GLI3: variants seen among roughly 807,000 people sequenced by gnomAD.
GLI3 encodes GLI family zinc finger 3.
GLI3 carries 20 observed loss-of-function variants against 100.8 expected under a neutral mutation model. That is an observed-to-expected ratio of 0.20 (90% CI 0.14 to 0.29). The LOEUF is 0.29. Among genes scored for constraint, GLI3 ranks in the 10% least tolerant of loss-of-function variants. The pLI is 1.00. For synonymous variants in GLI3, 938 were observed against 860.5 expected (o/e 1.09, Z -1.58); for missense variants, 2,040 against 2,128.5 (o/e 0.96, Z 0.82).
intron 2 of GLI3, among the ~76,000 whole-genome samples, chr7:42,158,050 C>T (rs1339770500): frequency 6.6e-6 from 1 of 152,204 alleles, no homozygotes; most frequent in Non-Finnish European, 1.5e-5. Flanking sequence ...ATCTCCTATG[C>T]ATATGCAAAC....
upstream of GLI3, chr7:42,237,905 T>G (rs1583670055): frequency 6.9e-6 from 1 of 145,794 alleles, no homozygotes; most frequent in Non-Finnish European, 1.5e-5. Flanking sequence ...AGGCGGCGCG[T>G]CGCGGGCCGG....
Position 41,965,069 on chromosome 7 carries a change from G to A in GLI3, c.4004C>T (p.Pro1335Leu), listed in dbSNP as rs201047754. The A allele has an allele frequency of 1.9e-6, 3 of 1,613,830 alleles. No individual in the cohort carries two copies. The highest frequency in any genetic ancestry group is 2.5e-6 in the Non-Finnish European group (3 of 1,180,020). ...HQLLGDSMQH[P>L]GAGRPGQQML... is the part of the protein sequence containing the mutation. ...CTGCTGACCGGGGCGGCCTGCCCCC[G>A]GGTGCTGCATGCTGTCGCCGAGGAG... Residue 1335 changes from proline (P) to leucine (L), a missense_variant, in exon 15 of 15, where the codon CCG becomes CTG. Pro to Leu is a moderately conservative substitution (Grantham distance 98). Coordinates refer to ENST00000395925, the MANE Select transcript of GLI3 (RefSeq NM_000168.6).
At chr7:42,191,550 G>A (rs759900523) in intron 2 of GLI3, among the ~76,000 whole-genome samples, 2 of 151,988 alleles carry the variant, frequency 1.3e-5, no homozygotes, top group Admixed American at 6.5e-5. Flanking sequence ...TACTCGGGAC[G>A]CTGAGGCAGG....
At chr7:42,241,821 T>C (rs1443084862), upstream of GLI3, among the ~76,000 whole-genome samples, 1 of 152,184 alleles carries the variant, frequency 6.6e-6, no homozygotes, top group Non-Finnish European at 1.5e-5. Context: ...GGATGCTGTG[T>C]GACATTGACC....
At position 42,181,303 on chromosome 7, in the gene GLI3, C is replaced by A. The variant is rs530533222; in HGVS notation, c.125-32835G>T. Among the ~76,000 whole-genome samples the A allele has an allele frequency of 2.6e-5, 4 of 152,258 alleles. No individual in the cohort carries two copies. In the East Asian group the frequency reaches 5.8e-4, roughly 22 times the overall value. ...TGGGTAACATGACTTAAATTTCAGC[C>A]TATGCAGAATTTCCAGGCTAGGCGC... On this transcript the variant is annotated intron_variant, in intron 2 of 14. Transcript: ENST00000395925.
At chr7:42,156,742 G>A (rs1787013202) in intron 2 of GLI3, among the ~76,000 whole-genome samples, 1 of 152,176 alleles carries the variant, frequency 6.6e-6, no homozygotes, top group African/African-American at 2.4e-5. Context: ...TCCTTTAAAG[G>A]CACGAAGGAA....
chr7:42,234,640 G>C (rs962107126), intron 1 of GLI3, among the ~76,000 whole-genome samples: 1 of 152,272 alleles, frequency 6.6e-6, no homozygotes, highest in East Asian at 1.9e-4. Context: ...GAATTGGTAG[G>C]CATCTGAGTT....
At chr7:42,132,322 G>C (rs747139274) in intron 3 of GLI3, among the ~76,000 whole-genome samples, 3 of 151,850 alleles carry the variant, frequency 2.0e-5, no homozygotes, top group South Asian at 2.1e-4. Context: ...GGATGGTCTC[G>C]ATCTCCTGAC....
chr7:42,068,511 G>A (rs1002601065), intron 4 of GLI3, among the ~76,000 whole-genome samples: 1 of 152,154 alleles, frequency 6.6e-6, no homozygotes, highest in African/African-American at 2.4e-5. Flanking sequence ...TTGGGTCACT[G>A]AAGATCCAAA....
At chr7:42,187,751 T>TC (rs1787746329) in intron 2 of GLI3, among the ~76,000 whole-genome samples, 1 of 151,916 alleles carries the variant, frequency 6.6e-6, no homozygotes, top group African/African-American at 2.4e-5. Flanking sequence ...ACACCTGTAA[T>TC]CCCAGCACTT....
intron 3 of GLI3, among the ~76,000 whole-genome samples, chr7:42,106,677 C>T (rs1785581396): frequency 6.6e-6 from 1 of 152,232 alleles, no homozygotes. Flanking sequence ...ATGTTTCACA[C>T]AGCTAAAGTT....
At position 41,972,648 on chromosome 7, in the gene GLI3, G is replaced by A. The variant is rs753993244; in HGVS notation, c.1813-21C>T. On this transcript the variant is annotated intron_variant, in intron 12 of 14. Transcript: ENST00000395925. The surrounding 1 kb of genome is among the most constrained non-coding windows in gnomAD (Gnocchi z 4.4). ...GGTTTCTGCCAAATCCCACAAGAAC[G>A]AGGTAAGAGATTGTTATGAAAGAGA... 4.9e-5 allele frequency: 78 copies of A among 1,596,146 alleles called. No homozygotes were observed. Among genetic ancestry groups the A allele is most frequent in the Admixed American group, 2.0e-4 (12 of 59,930 alleles).
intron 7 of GLI3, among the ~76,000 whole-genome samples, chr7:42,037,194 G>A (rs545564911): frequency 7.9e-5 from 12 of 152,280 alleles, no homozygotes; most frequent in Admixed American, 6.5e-4. Context: ...TAGCTGTGAC[G>A]TGAGAACGGT....
At chr7:42,223,676 G>A (rs1788533397) in intron 1 of GLI3, among the ~76,000 whole-genome samples, 1 of 152,174 alleles carries the variant, frequency 6.6e-6, no homozygotes, top group East Asian at 1.9e-4. Flanking sequence ...TTTACAGGAA[G>A]GGGCATTTGA....
chr7:41,990,427 G>A (rs1013807712), intron 10 of GLI3, among the ~76,000 whole-genome samples: 13 of 152,078 alleles, frequency 8.5e-5, no homozygotes, highest in Non-Finnish European at 1.6e-4. Flanking sequence ...AATGAAAAAC[G>A]AGATCCAATT....
intron 6 of GLI3, 71 bp downstream of exon 6, chr7:42,045,313 A>G: frequency 7.2e-7 from 1 of 1,381,120 alleles, no homozygotes; most frequent in Non-Finnish European, 1.0e-6. Context: ...TAATCTTTGT[A>G]TCTTCTTCTC....
chr7:42,253,033 A>C lies in GLI3; in HGVS notation c.-43+10961T>G, dbSNP rs748334193. ...ACGAGAAAGGATTTCCAAAGCAATC[A>C]TAGTCTTAAATAATTTCAAGATAAT... On this transcript the variant is annotated intron_variant, in intron 1 of 2. Coordinates refer to the GLI3 transcript ENST00000678978. Among the ~76,000 whole-genome samples, 84 of 44,034 alleles carry C rather than the reference A, an allele frequency of 1.9e-3. 1 individual carries two copies. Among genetic ancestry groups the C allele is most frequent in the Non-Finnish European group, 1.4e-3 (27 of 18,968 alleles). The allele number at this position is 44,034 out of a possible 152,430, so 28.9% of individuals were successfully genotyped here. A position where few individuals can be genotyped will look rare whatever the true frequency, so the allele number is the denominator to read the frequency against.
intron 2 of GLI3, among the ~76,000 whole-genome samples, chr7:42,155,824 AT>A (rs913843469): frequency 2.0e-5 from 3 of 151,984 alleles, no homozygotes; most frequent in South Asian, 2.1e-4. Context: ...TGCCTCCTGT[AT>A]TTTTTTTTTA....
chr7:41,995,280 C>T (rs568436342), intron 10 of GLI3, among the ~76,000 whole-genome samples: 1 of 152,302 alleles, frequency 6.6e-6, no homozygotes, highest in African/African-American at 2.4e-5. Flanking sequence ...ATCCATCCGT[C>T]ATAGATGTGG....
Sources: allele counts gnomAD v4.1 joint callset (sites outside exome capture counted in the v4.1 genomes callset), GRCh38; gene constraint gnomAD v4.1.1; non-coding constraint Gnocchi (gnomAD v3.1); transcripts MANE v1.5; gene names NCBI Gene and HGNC (gene_info 2026-07-23, HGNC 2026-07-21).